TCEA1: variants seen among roughly 807,000 people sequenced by gnomAD.
TCEA1 encodes transcription elongation factor A protein 1.
A neutral mutation model predicts 43.8 loss-of-function variants in TCEA1; 21 were observed. That is an observed-to-expected ratio of 0.48 (90% confidence interval 0.34 to 0.69). The LOEUF is 0.69. Among genes scored for constraint, TCEA1 ranks in the 30% least tolerant of loss-of-function variants. The probability of loss-of-function intolerance (pLI) is 0.01; values close to 1 mark genes in which losing one functional copy is unlikely to be tolerated. For synonymous variants in TCEA1, 104 were observed against 117.5 expected (o/e 0.88, Z 0.75); for missense variants, 250 against 365.1 (o/e 0.68, Z 2.57).
At chr8:53,972,651 C>T (rs779784435) in intron 8 of TCEA1, 17 of 616,044 alleles carry the variant, frequency 2.8e-5, no homozygotes, top group Non-Finnish European at 5.0e-5. Flanking sequence ...GAAGGAAGAG[C>T]AAGTTTGAGG....
At chr8:53,999,689 A>G in intron 3 of TCEA1, 1 of 389,766 alleles carries the variant, frequency 2.6e-6, no homozygotes, top group Non-Finnish European at 4.6e-6. Flanking sequence ...CTTTCCTTTA[A>G]GAGAAAATTC....
At position 53,968,307 on chromosome 8, in the gene TCEA1, C is replaced by T; in HGVS notation, c.898-195G>A. ...ACTTAGAACTACTAGGAACATACAA[C>T]TAAAGAACTTGTATAAAACAATTTC... On this transcript the variant is annotated intron_variant, in intron 9 of 9. Transcript: ENST00000521604. 1.3e-5 allele frequency among the ~76,000 whole-genome samples: 2 copies of T among 151,532 alleles called. 1 individual carries two copies. The highest frequency in any genetic ancestry group is 4.2e-4 in the South Asian group (2 of 4,812).
chr8:54,007,644 A>C (rs555545194), intron 2 of TCEA1, among the ~76,000 whole-genome samples: 104 of 152,362 alleles, frequency 6.8e-4, no homozygotes, highest in African/African-American at 2.3e-3. Flanking sequence ...GTGTTTTCAC[A>C]ACTGAAAGAA....
intron 9 of TCEA1, among the ~76,000 whole-genome samples, chr8:53,969,641 A>G (rs1803099677): frequency 6.6e-6 from 1 of 152,214 alleles, no homozygotes; most frequent in Non-Finnish European, 1.5e-5. Flanking sequence ...TTTACATTTA[A>G]TACATAAGAA....
At position 53,974,772 on chromosome 8, in the gene TCEA1, C is replaced by T. The variant is rs1299759234; in HGVS notation, c.825+4253G>A. Among the ~76,000 whole-genome samples the T allele has an allele frequency of 3.3e-5, 5 of 152,074 alleles. No individual in the cohort carries two copies. The East Asian group carries it at 5.8e-4, about 18-fold the overall frequency. On this transcript the variant is annotated intron_variant, in intron 8 of 9. Coordinates refer to ENST00000521604, the MANE Select transcript of TCEA1 (RefSeq NM_006756.4). ...CTCAAGCTCCTGACCTCAGGTGATC[C>T]GCCTGCCTCAGCCTCCCAAAGTGTT...
intron 7 of TCEA1, among the ~76,000 whole-genome samples, chr8:53,980,602 A>G (rs1481753058): frequency 6.6e-6 from 1 of 152,176 alleles, no homozygotes; most frequent in Non-Finnish European, 1.5e-5. Flanking sequence ...AACTTTGACC[A>G]CATAGGACAG....
At chr8:53,974,450 A>C (rs1368023346) in intron 8 of TCEA1, among the ~76,000 whole-genome samples, 1 of 147,594 alleles carries the variant, frequency 6.8e-6, no homozygotes, top group Non-Finnish European at 1.5e-5. Flanking sequence ...AGGGTTTATA[A>C]AATGTTTATA....
intron 4 of TCEA1, chr8:53,993,421 CCATT>C: frequency 3.3e-6 from 1 of 300,554 alleles, no homozygotes; most frequent in African/African-American, 2.2e-5. Context: ...CCCAGCAATC[CCATT>C]CAATTAAACT....
chr8:53,974,213 G>C, intron 8 of TCEA1: 1 of 154,886 alleles, frequency 6.5e-6, no homozygotes. Flanking sequence ...TCAAATAACT[G>C]GATGTTATTT....
intron 7 of TCEA1, among the ~76,000 whole-genome samples, chr8:53,982,141 C>T (rs1803531461): frequency 1.3e-5 from 2 of 151,982 alleles, no homozygotes; most frequent in Admixed American, 6.6e-5. Context: ...TCAGATAGAT[C>T]TGAATAAAGT....
chr8:53,986,771 G>C (rs1473617558), intron 6 of TCEA1, among the ~76,000 whole-genome samples, 198 bp downstream of exon 6: 1 of 152,144 alleles, frequency 6.6e-6, no homozygotes, highest in Non-Finnish European at 1.5e-5. Context: ...TGGAATCCCA[G>C]CCCTGTCAGT....
chr8:54,022,357 C>G lies in TCEA1; in HGVS notation c.-232G>C. On this transcript the variant is annotated 5_prime_UTR_variant, in exon 1 of 10. Coordinates refer to ENST00000521604, the MANE Select transcript of TCEA1 (RefSeq NM_006756.4). The stretch of plus-strand genomic sequence containing the variant: ...TCGAACACCGCGCGCGACGTGCAGG[C>G]GCTACCAACTGACTGCAGATCGCTG... 1.7e-6 allele frequency: 1 copy of G among 573,592 alleles called. No homozygotes were observed. Among genetic ancestry groups the G allele is most frequent in the East Asian group, 3.3e-5 (1 of 30,552 alleles). 35.5% of individuals were successfully genotyped at this position (573,592 alleles called of 1,614,324 possible).
chr8:53,980,770 G>A (rs1803478039), intron 7 of TCEA1, among the ~76,000 whole-genome samples: 1 of 152,132 alleles, frequency 6.6e-6, no homozygotes, highest in Admixed American at 6.6e-5. Flanking sequence ...ACAAGGAAGA[G>A]TCAACATGTC....
intron 3 of TCEA1, among the ~76,000 whole-genome samples, chr8:53,998,584 GA>G (rs1446602396): frequency 6.6e-6 from 1 of 152,072 alleles, no homozygotes; most frequent in African/African-American, 2.4e-5. Flanking sequence ...CAATTAATGT[GA>G]AAGACAAAAT....
At chr8:54,017,787 G>A (rs1166314976) in intron 1 of TCEA1, among the ~76,000 whole-genome samples, 2 of 152,154 alleles carry the variant, frequency 1.3e-5, no homozygotes, top group African/African-American at 4.8e-5. Flanking sequence ...GGGTGTGGTG[G>A]CACGCACTTG....
At chr8:53,983,585 T>C (rs564713894) in intron 7 of TCEA1, among the ~76,000 whole-genome samples, 1 of 152,200 alleles carries the variant, frequency 6.6e-6, no homozygotes, top group East Asian at 1.9e-4. Context: ...GGAGAATCGC[T>C]TGAACCCGGG....
At chr8:53,991,263 T>C (rs980705430) in intron 4 of TCEA1, among the ~76,000 whole-genome samples, 2 of 151,396 alleles carry the variant, frequency 1.3e-5, no homozygotes, top group Admixed American at 6.6e-5. Flanking sequence ...TGTGTTGACG[T>C]GCACCTCTAA....
intron 3 of TCEA1, among the ~76,000 whole-genome samples, chr8:53,998,787 G>T (rs1250044642): frequency 2.0e-5 from 3 of 152,128 alleles, no homozygotes; most frequent in African/African-American, 7.2e-5. Flanking sequence ...GTAAAATCAT[G>T]AACCTAAGTA....
At chr8:53,979,268 A>C (rs1037295899) in intron 7 of TCEA1, 97 bp from the exon 8 acceptor site, 3 of 1,275,260 alleles carry the variant, frequency 2.4e-6, no homozygotes, top group Non-Finnish European at 3.2e-6. Context: ...ATAAAACCAC[A>C]TATCAACCTT....
Sources: gnomAD v4.1 joint callset for allele counts (sites outside exome capture counted in the v4.1 genomes callset) on GRCh38, gnomAD v4.1.1 for gene constraint, MANE v1.5 for transcripts, NCBI Gene and HGNC (gene_info 2026-07-23, HGNC 2026-07-21) for gene names.